The following ERBB4 variants were observed in gnomAD, a reference collection of about 807,000 sequenced individuals.
ERBB4 encodes the protein receptor tyrosine-protein kinase erbB-4.
A neutral mutation model predicts 158.0 loss-of-function variants in ERBB4; 42 were observed. The ratio of observed to expected loss-of-function variants is 0.27; its 90% CI spans 0.21 to 0.34. The LOEUF (loss-of-function observed/expected upper bound fraction) is 0.34. Ranked by LOEUF, ERBB4 falls within the 10% of genes least tolerant of loss-of-function variation. ERBB4 has a pLI of 1.00. For synonymous variants in ERBB4, 583 were observed against 558.7 expected (o/e 1.04, Z -0.61); for missense variants, 1,333 against 1,624.1 (o/e 0.82, Z 3.08).
rs1553584050 is a variant in ERBB4 at position 212,185,021 on chromosome 2, C to CTTTTTTTTTTTCTTTTTTTTTTTTTTTTT, written c.83-60119_83-60118insAAAAAAAAAAAAAAAAAGAAAAAAAAAAA. Among the ~76,000 whole-genome samples, 30 of 132,502 alleles carry CTTTTTTTTTTTCTTTTTTTTTTTTTTTTT rather than the reference C, an allele frequency of 2.3e-4. 1 individual carries two copies. Among genetic ancestry groups the CTTTTTTTTTTTCTTTTTTTTTTTTTTTTT allele is most frequent in the African/African-American group, 7.9e-4 (28 of 35,330 alleles). 86.9% of individuals were successfully genotyped at this position (132,502 alleles called of 152,430 possible). A position where few individuals can be genotyped will look rare whatever the true frequency, so the allele number is the denominator to read the frequency against. On this transcript the variant is annotated intron_variant, in intron 1 of 27. Coordinates refer to ENST00000342788, the MANE Select transcript of ERBB4 (RefSeq NM_005235.3). ...TTAGATATCACAGTTACTTTTTTTTCTTTTTTTTTTTTCTTTTGAGACAGA... is the reference window on the plus strand; with the variant it reads ...TTAGATATCACAGTTACTTTTTTTTCTTTTTTTTTTTCTTTTTTTTTTTTTTTTTTTTTTTTTTTTTCTTTTGAGACAGA...
chr2:212,128,381 C>T (rs1021462544), intron 1 of ERBB4, among the ~76,000 whole-genome samples: 6 of 152,076 alleles, frequency 3.9e-5, no homozygotes, highest in East Asian at 1.9e-4. Context: ...GTTTCAAACA[C>T]GGTTGAAGCC....
chr2:212,185,306 A>T (rs772705625), intron 1 of ERBB4, among the ~76,000 whole-genome samples: 5 of 151,626 alleles, frequency 3.3e-5, no homozygotes, highest in Non-Finnish European at 7.4e-5. Context: ...AGAGGTGTGA[A>T]CCACCACACC....
chr2:212,114,796 A>C (rs1215897265), intron 2 of ERBB4, among the ~76,000 whole-genome samples: 1 of 152,160 alleles, frequency 6.6e-6, no homozygotes, highest in Non-Finnish European at 1.5e-5. Context: ...TGAAAATACA[A>C]ATCACCACCA....
intron 7 of ERBB4, 74 bp downstream of exon 7, chr2:211,722,319 A>G (rs949439720): frequency 5.8e-6 from 7 of 1,214,084 alleles, no homozygotes; most frequent in Admixed American, 5.4e-5. Flanking sequence ...TCACATTAAA[A>G]TAAACTTACA....
rs1575500534 is a variant in ERBB4 at position 212,003,198 on chromosome 2, A to AAAGAAAGG, written c.235-55583_235-55582insCCTTTCTT. On this transcript the variant is annotated intron_variant, in intron 2 of 27. Transcript: ENST00000342788. ...GAAAGAAAGAAAGAAAGAAAGAAAG[A>AAAGAAAGG]AAGAAAGACAGAAAGAAGGAAGGAA... Among the ~76,000 whole-genome samples the AAAGAAAGG allele has an allele frequency of 1.3e-3, 78 of 58,748 alleles. 4 individuals carry two copies. In the East Asian group the frequency reaches 0.015, roughly 11 times the overall value. The allele number at this position is 58,748 out of a possible 152,430, so 38.5% of individuals were successfully genotyped here. A position where few individuals can be genotyped will look rare whatever the true frequency, so the allele number is the denominator to read the frequency against.
At chr2:212,510,984 T>C (rs1397881429) in intron 1 of ERBB4, among the ~76,000 whole-genome samples, 1 of 152,080 alleles carries the variant, frequency 6.6e-6, no homozygotes, top group Non-Finnish European at 1.5e-5. Flanking sequence ...AATAAGAATA[T>C]ATGACCCCAA....
At chr2:212,383,855 G>A (rs1162621804) in intron 1 of ERBB4, among the ~76,000 whole-genome samples, 1 of 151,616 alleles carries the variant, frequency 6.6e-6, no homozygotes, top group African/African-American at 2.4e-5. Context: ...AGGCTTCCTA[G>A]TTCATCACAG....
intron 16 of ERBB4, among the ~76,000 whole-genome samples, chr2:211,630,923 C>A (rs2070097214): frequency 6.6e-6 from 1 of 152,030 alleles, no homozygotes; most frequent in Admixed American, 6.6e-5. Flanking sequence ...GGTGTTGGCG[C>A]ATTTAATATT....
At chr2:212,054,266 C>T (rs2077486300) in intron 2 of ERBB4, among the ~76,000 whole-genome samples, 1 of 152,132 alleles carries the variant, frequency 6.6e-6, no homozygotes, top group South Asian at 2.1e-4. Flanking sequence ...ACAGGTTAAT[C>T]ATTTTTGTGG....
chr2:212,215,231 G>C (rs1421333482), intron 1 of ERBB4, among the ~76,000 whole-genome samples: 1 of 151,434 alleles, frequency 6.6e-6, no homozygotes, highest in African/African-American at 2.4e-5. Flanking sequence ...TCCATATGTA[G>C]TAGTTGAAAT....
chr2:211,720,476 C>T (rs1159172332), intron 7 of ERBB4, among the ~76,000 whole-genome samples: 1 of 152,160 alleles, frequency 6.6e-6, no homozygotes, highest in African/African-American at 2.4e-5. Context: ...GATATTTTGT[C>T]ACCGGGAATC....
At chr2:211,555,291 T>A (rs940432132) in intron 20 of ERBB4, among the ~76,000 whole-genome samples, 6 of 152,156 alleles carry the variant, frequency 3.9e-5, no homozygotes, top group Non-Finnish European at 1.5e-5. Context: ...GTTCAAGCGA[T>A]TCTCCTGCCT....
intron 1 of ERBB4, among the ~76,000 whole-genome samples, chr2:212,353,520 T>C (rs917621519): frequency 6.6e-6 from 1 of 151,556 alleles, no homozygotes; most frequent in African/African-American, 2.4e-5. Context: ...ACACTAGCTT[T>C]TTCCTATTAG....
chr2:212,063,328 GTA>G (rs1391067836), intron 2 of ERBB4, among the ~76,000 whole-genome samples: 1 of 152,010 alleles, frequency 6.6e-6, no homozygotes, highest in Admixed American at 6.6e-5. Context: ...TCAAAAATGT[GTA>G]TATCATATAA....
rs61318918 is a variant in ERBB4 at position 211,662,038 on chromosome 2, C to CAAAAAAAAA, written c.1871+3276_1871+3284dup. Among the ~76,000 whole-genome samples the CAAAAAAAAA allele has an allele frequency of 4.8e-4, 19 of 39,704 alleles. 1 individual carries two copies. Among genetic ancestry groups the CAAAAAAAAA allele is most frequent in the African/African-American group, 1.2e-3 (14 of 11,638 alleles). 26.0% of individuals were successfully genotyped at this position (39,704 alleles called of 152,430 possible). A position where few individuals can be genotyped will look rare whatever the true frequency, so the allele number is the denominator to read the frequency against. The stretch of plus-strand genomic sequence containing the variant: ...TGGGCGACAGAGCGGGACTCCGTCT[C>CAAAAAAAAA]AAAAAAAAAAAAAAAAAAAAAAAAA... On this transcript the variant is annotated intron_variant, in intron 15 of 27. Transcript: ENST00000342788.
chr2:211,594,808 T>C (rs2068582776), intron 19 of ERBB4, among the ~76,000 whole-genome samples: 1 of 151,922 alleles, frequency 6.6e-6, no homozygotes, highest in Admixed American at 6.5e-5. Context: ...CTTTTATGTA[T>C]TCTTTCATTC....
chr2:211,731,762 CAAAT>C (rs1038730984), intron 5 of ERBB4, among the ~76,000 whole-genome samples: 4 of 152,040 alleles, frequency 2.6e-5, no homozygotes, highest in Admixed American at 1.3e-4. Context: ...TAAAGTGAAA[CAAAT>C]AAAGCTCACA....
intron 7 of ERBB4, among the ~76,000 whole-genome samples, chr2:211,714,157 A>T (rs2073819112): frequency 6.6e-6 from 1 of 152,198 alleles, no homozygotes; most frequent in Non-Finnish European, 1.5e-5. Context: ...AACGAAATAA[A>T]ATTGGAAAGG....
At chr2:211,961,152 T>C (rs1460205130) in intron 2 of ERBB4, among the ~76,000 whole-genome samples, 1 of 152,116 alleles carries the variant, frequency 6.6e-6, no homozygotes, top group Non-Finnish European at 1.5e-5. Flanking sequence ...TGGCTAGTAA[T>C]TGCAAATGAT....
Sources: gnomAD v4.1 joint callset for allele counts (sites outside exome capture counted in the v4.1 genomes callset) on GRCh38, gnomAD v4.1.1 for gene constraint, MANE v1.5 for transcripts, NCBI Gene and HGNC (gene_info 2026-07-23, HGNC 2026-07-21) for gene names.